CNTNAP2: variants seen among roughly 807,000 people sequenced by gnomAD.
CNTNAP2 encodes contactin-associated protein-like 2.
CNTNAP2 carries 98 observed loss-of-function variants against 155.2 expected under a neutral mutation model. The ratio of observed to expected loss-of-function variants is 0.63; its 90% CI spans 0.54 to 0.75. The LOEUF (loss-of-function observed/expected upper bound fraction) is 0.75, where lower values mean the gene tolerates loss of function less well. Among genes scored for constraint, CNTNAP2 ranks in the 30% least tolerant of loss-of-function variants. The pLI, the probability that CNTNAP2 is intolerant of heterozygous loss-of-function variation, is 0.00. For synonymous variants in CNTNAP2, 651 were observed against 631.2 expected, an observed-to-expected ratio of 1.03 and a Z score of -0.47; for missense variants, 1,727 against 1,688.1, an observed-to-expected ratio of 1.02 and a Z score of -0.40.
intron 15 of CNTNAP2, among the ~76,000 whole-genome samples, chr7:148,005,502 A>G (rs1160642030): frequency 6.6e-6 from 1 of 152,018 alleles, no homozygotes; most frequent in Non-Finnish European, 1.5e-5. Context: ...CGCCACTGTT[A>G]TCTCTTCCCA....
chr7:148,346,058 A>C (rs1308547147), intron 21 of CNTNAP2, among the ~76,000 whole-genome samples: 1 of 151,428 alleles, frequency 6.6e-6, no homozygotes, highest in African/African-American at 2.4e-5. Flanking sequence ...CACTTGGCAC[A>C]CCCCCTGAGC....
At chr7:147,306,529 A>C (rs570838278) in intron 9 of CNTNAP2, among the ~76,000 whole-genome samples, 1 of 152,236 alleles carries the variant, frequency 6.6e-6, no homozygotes, top group Admixed American at 6.5e-5. Flanking sequence ...GAGAGAACTT[A>C]TCTCTGATAA....
rs149326438 is a variant in CNTNAP2, at chr7:147,573,217, A to G, written c.1897+10960A>G. ...GAATGAAAATACAACTTTGGGAAAA[A>G]ATATCCCTGTGGATGAAGTTGTCAA... On this transcript the variant is annotated intron_variant, in intron 12 of 23. Transcript: ENST00000361727. 3.5e-4 allele frequency among the ~76,000 whole-genome samples: 53 copies of G among 152,302 alleles called. 1 individual carries two copies. The East Asian group carries it at 0.01, about 29-fold the overall frequency.
chr7:147,861,209 T>C (rs1288230388), intron 13 of CNTNAP2, among the ~76,000 whole-genome samples: 2 of 152,202 alleles, frequency 1.3e-5, no homozygotes, highest in African/African-American at 4.8e-5. Flanking sequence ...AATACAAATA[T>C]GGTCCCTTGG....
At chr7:147,212,617 A>G (rs182466278) in intron 8 of CNTNAP2, among the ~76,000 whole-genome samples, 2 of 152,248 alleles carry the variant, frequency 1.3e-5, no homozygotes, top group Admixed American at 1.3e-4. Flanking sequence ...GAAGTGTTGA[A>G]AAGCTGCCTA....
chr7:147,520,394 G>T (rs900574456), intron 11 of CNTNAP2, among the ~76,000 whole-genome samples: 1 of 152,152 alleles, frequency 6.6e-6, no homozygotes, highest in Non-Finnish European at 1.5e-5. Flanking sequence ...TTCTCAGAAG[G>T]ATGATTTTGT....
chr7:147,161,549 G>A (rs1190160525), intron 8 of CNTNAP2: 1 of 152,100 alleles, frequency 6.6e-6, no homozygotes, highest in Non-Finnish European at 1.5e-5. Flanking sequence ...GAAGGATTTT[G>A]CTGACTGTCT....
intron 8 of CNTNAP2, among the ~76,000 whole-genome samples, chr7:147,212,362 T>C (rs144525799): frequency 2.2e-4 from 34 of 152,204 alleles, no homozygotes; most frequent in East Asian, 1.9e-3. Context: ...CAATGGTGCA[T>C]TGGATAAAGT....
intron 13 of CNTNAP2, among the ~76,000 whole-genome samples, chr7:147,716,796 C>A (rs148271393): frequency 2.2e-4 from 33 of 152,152 alleles, no homozygotes; most frequent in Non-Finnish European, 4.3e-4. Context: ...CACTATCTGC[C>A]GAAATAATTT....
chr7:147,027,004 G>GAAAAAAAAAAAACAAAAAAAAAAA (rs1798934502), intron 3 of CNTNAP2, among the ~76,000 whole-genome samples: 2 of 67,440 alleles, frequency 3.0e-5, no homozygotes. Flanking sequence ...AAACAGAACA[G>GAAAAAAAAAAAACAAAAAAAAAAA]AAAAAAAAAA....
chr7:148,227,967 T>C (rs1266422890), intron 19 of CNTNAP2, among the ~76,000 whole-genome samples: 5 of 151,174 alleles, frequency 3.3e-5, no homozygotes, highest in Non-Finnish European at 5.9e-5. Flanking sequence ...CCAAGATGTT[T>C]AGAAAAATTA....
chr7:147,811,612 A>G (rs1464546582), intron 13 of CNTNAP2, among the ~76,000 whole-genome samples: 1 of 152,168 alleles, frequency 6.6e-6, no homozygotes. Flanking sequence ...TTTATAGCAA[A>G]TAAGTATATG....
At chr7:147,268,500 G>A (rs370622233) in intron 8 of CNTNAP2, among the ~76,000 whole-genome samples, 31 of 152,212 alleles carry the variant, frequency 2.0e-4, no homozygotes, top group African/African-American at 6.7e-4. Flanking sequence ...ATCATACACC[G>A]GGGCCTGTTG....
chr7:148,383,795 G>A lies in CNTNAP2; in HGVS notation c.3622G>A (p.Glu1208Lys), dbSNP rs1325468046. The A allele has an allele frequency of 1.1e-5, 18 of 1,614,052 alleles. No individual in the cohort carries two copies. Among genetic ancestry groups the A allele is most frequent in the African/African-American group, 2.7e-5 (2 of 74,910 alleles). The change falls in exon 22 of 24, where the codon GAG becomes AAG. Residue 1208 changes from glutamate to lysine, a missense_variant. Transcript: ENST00000361727. ...NASAHVHIQG[E>K]LVESNCGASP... The stretch of plus-strand genomic sequence containing the variant: ...CTCGGCTCACGTCCACATCCAGGGC[G>A]AGCTGGTGGAGTCCAACTGCGGGGC...
At chr7:147,254,513 GA>G (rs554381746) in intron 8 of CNTNAP2, among the ~76,000 whole-genome samples, 113 of 151,760 alleles carry the variant, frequency 7.4e-4, no homozygotes, top group African/African-American at 2.7e-3. Context: ...TTTTTTGGTT[GA>G]TTTTTTTTTT....
At chr7:147,669,176 A>G (rs966995805) in intron 13 of CNTNAP2, among the ~76,000 whole-genome samples, 2 of 152,110 alleles carry the variant, frequency 1.3e-5, no homozygotes, top group African/African-American at 2.4e-5. Context: ...TACAAAGATG[A>G]AATTACCTAA....
At chr7:147,900,579 G>A (rs1799850782) in intron 13 of CNTNAP2, among the ~76,000 whole-genome samples, 2 of 152,116 alleles carry the variant, frequency 1.3e-5, no homozygotes, top group South Asian at 4.1e-4. Flanking sequence ...ATAGTAGTGT[G>A]AAATCATTCT....
intron 3 of CNTNAP2, among the ~76,000 whole-genome samples, chr7:147,009,263 A>G (rs936518690): frequency 1.3e-5 from 2 of 152,236 alleles, no homozygotes; most frequent in African/African-American, 2.4e-5. Flanking sequence ...ACTAAGGTCA[A>G]TGTTCTGATA....
intron 1 of CNTNAP2, among the ~76,000 whole-genome samples, chr7:146,364,401 G>T (rs573542024): frequency 6.6e-6 from 1 of 152,214 alleles, no homozygotes; most frequent in South Asian, 2.1e-4. Context: ...TTAGAATGCA[G>T]TTCTCTTCAC....
Sources: gnomAD v4.1 joint callset for allele counts (sites outside exome capture counted in the v4.1 genomes callset) on GRCh38, gnomAD v4.1.1 for gene constraint, MANE v1.5 for transcripts, NCBI Gene and HGNC (gene_info 2026-07-23, HGNC 2026-07-21) for gene names.